The following NAPA variants were observed in gnomAD, a reference collection of about 807,000 sequenced individuals.
NAPA encodes the protein NSF attachment protein alpha, also known as alpha-soluble NSF attachment protein.
A neutral mutation model predicts 48.0 loss-of-function variants in NAPA; 18 were observed. The ratio of observed to expected loss-of-function variants is 0.38; its 90% CI spans 0.26 to 0.56. The LOEUF is 0.56. NAPA is among the 20% of genes least tolerant of loss of function. NAPA has a pLI of 0.77. For synonymous variants in NAPA, 152 were observed against 149.9 expected (o/e 1.01, Z -0.10); for missense variants, 315 against 385.0 (o/e 0.82, Z 1.52).
intron 3 of NAPA, among the ~76,000 whole-genome samples, chr19:47,499,051 G>C (rs73570331): frequency 7.3e-4 from 111 of 152,244 alleles, no homozygotes; most frequent in African/African-American, 2.6e-3. Flanking sequence ...CTTTCCTACC[G>C]GTCGGAGTCC....
intron 3 of NAPA, chr19:47,496,825 G>A (rs1251480465): frequency 2.0e-5 from 9 of 455,502 alleles, no homozygotes; most frequent in African/African-American, 1.0e-4. Flanking sequence ...CTTCTGACAT[G>A]TAAACAGTGG....
chr19:47,500,900 C>T (rs1371552949), intron 2 of NAPA, 151 bp from the exon 3 acceptor site: 3 of 548,948 alleles, frequency 5.5e-6, no homozygotes, highest in Admixed American at 4.0e-5. Context: ...GAGCCCAGAC[C>T]GAGGCCTAGA....
At chr19:47,511,464 GCT>G (rs1197332452) in intron 1 of NAPA, among the ~76,000 whole-genome samples, 1 of 152,178 alleles carries the variant, frequency 6.6e-6, no homozygotes, top group Non-Finnish European at 1.5e-5. Context: ...GAACACACCA[GCT>G]CTTTTTTTCA....
chr19:47,512,276 G>C (rs1277653627), intron 1 of NAPA, among the ~76,000 whole-genome samples: 1 of 151,884 alleles, frequency 6.6e-6, no homozygotes, highest in African/African-American at 2.4e-5. Context: ...CTGCTGCCTA[G>C]AGCACCCTCC....
At chr19:47,503,835 C>G (rs979075426) in intron 1 of NAPA, among the ~76,000 whole-genome samples, 1 of 152,190 alleles carries the variant, frequency 6.6e-6, no homozygotes, top group Admixed American at 6.5e-5. Context: ...CACTGGGTCC[C>G]AGGCGCGCTA....
At chr19:47,498,811 C>T (rs779386895) in intron 3 of NAPA, among the ~76,000 whole-genome samples, 9 of 152,162 alleles carry the variant, frequency 5.9e-5, no homozygotes, top group Non-Finnish European at 1.3e-4. Context: ...GGCTGGCGTG[C>T]GTATCTTTAG....
intron 4 of NAPA, among the ~76,000 whole-genome samples, chr19:47,494,757 A>AAAAG (rs1555758025): frequency 4.1e-5 from 6 of 145,760 alleles, no homozygotes; most frequent in Non-Finnish European, 9.0e-5. Flanking sequence ...AAAAAAAAAA[A>AAAAG]AGAGAGAGAG....
chr19:47,514,320 C>T (rs539858183), intron 1 of NAPA, among the ~76,000 whole-genome samples: 44 of 152,198 alleles, frequency 2.9e-4, no homozygotes, highest in African/African-American at 9.9e-4. Flanking sequence ...CCAGGGCCCA[C>T]GCAAATCCAC....
At chr19:47,511,974 C>G (rs1327815065) in intron 1 of NAPA, among the ~76,000 whole-genome samples, 1 of 152,178 alleles carries the variant, frequency 6.6e-6, no homozygotes, top group Non-Finnish European at 1.5e-5. Flanking sequence ...ATCTTCAGTG[C>G]CTCCTCCAGG....
At chr19:47,495,833 G>A in intron 3 of NAPA, 1 of 546,594 alleles carries the variant, frequency 1.8e-6, no homozygotes, top group Non-Finnish European at 3.3e-6. Context: ...CTGGGCACAT[G>A]CTTCTGGGGG....
intron 3 of NAPA, 166 bp from the exon 4 acceptor site, chr19:47,495,762 G>T (rs1968406829): frequency 1.5e-6 from 1 of 655,068 alleles, no homozygotes; most frequent in African/African-American, 1.8e-5. Flanking sequence ...GGAAGAAGGG[G>T]ACGGAATCCC....
intron 3 of NAPA, among the ~76,000 whole-genome samples, chr19:47,499,674 A>T (rs1968522824): frequency 6.6e-6 from 1 of 152,226 alleles, no homozygotes; most frequent in African/African-American, 2.4e-5. Context: ...ACTGGTCAAC[A>T]CAAATTCATC....
At chr19:47,492,656 C>T (rs1398783367) in intron 7 of NAPA, 1 of 512,506 alleles carries the variant, frequency 2.0e-6, no homozygotes, top group Non-Finnish European at 3.7e-6. Context: ...GGCACTTCTT[C>T]CCATTCCCTC....
intron 1 of NAPA, among the ~76,000 whole-genome samples, chr19:47,513,304 G>A (rs577158700): frequency 3.3e-5 from 5 of 152,100 alleles, no homozygotes; most frequent in African/African-American, 7.2e-5. Flanking sequence ...CCGCTCGGGC[G>A]TCCACCTTGA....
intron 3 of NAPA, among the ~76,000 whole-genome samples, chr19:47,499,272 G>A (rs886248913): frequency 4.6e-5 from 7 of 152,238 alleles, no homozygotes; most frequent in Non-Finnish European, 7.3e-5. Context: ...GCAGCCTGGC[G>A]CTCAGTGTTG....
At chr19:47,485,726 C>G (rs1034055293), downstream of NAPA, among the ~76,000 whole-genome samples, 1 of 152,150 alleles carries the variant, frequency 6.6e-6, no homozygotes, top group East Asian at 1.9e-4. Flanking sequence ...GACTGGATAA[C>G]GGAGGTGGCA....
At chr19:47,498,694 C>A (rs1442239483) in intron 3 of NAPA, among the ~76,000 whole-genome samples, 1 of 152,190 alleles carries the variant, frequency 6.6e-6, no homozygotes, top group African/African-American at 2.4e-5. Context: ...ACTGAAATTA[C>A]AGGCATGAGC....
At chr19:47,496,532 G>T in intron 3 of NAPA, 1 of 165,024 alleles carries the variant, frequency 6.1e-6, no homozygotes, top group Non-Finnish European at 1.3e-5. Flanking sequence ...AGGGAGGCCT[G>T]GGTTGGGGAG....
chr19:47,492,161 C>T (rs760970464), intron 7 of NAPA, 42 bp from the exon 8 acceptor site: 18 of 1,566,050 alleles, frequency 1.1e-5, no homozygotes, highest in Non-Finnish European at 1.6e-5. Flanking sequence ...TCAGGGCAAG[C>T]AGCCAGAGGG....
Sources: allele counts gnomAD v4.1 joint callset (sites outside exome capture counted in the v4.1 genomes callset), GRCh38; gene constraint gnomAD v4.1.1; transcripts MANE v1.5; gene names NCBI Gene and HGNC (gene_info 2026-07-23, HGNC 2026-07-21).